Variants in NRXN3 observed in about 807,000 individuals in gnomAD.
NRXN3 encodes neurexin III.
A neutral mutation model predicts 137.6 loss-of-function variants in NRXN3; 32 were observed. The ratio of observed to expected loss-of-function variants is 0.23; its 90% CI spans 0.18 to 0.31. NRXN3 has a LOEUF of 0.31. NRXN3 is among the 10% of genes least tolerant of loss of function. NRXN3 has a pLI of 1.00. For synonymous variants in NRXN3, 798 were observed against 784.5 expected, an observed-to-expected ratio of 1.02 and a Z score of -0.29; for missense variants, 1,574 against 2,062.5, an observed-to-expected ratio of 0.76 and a Z score of 4.59.
At chr14:79,453,424 A>T (rs755799681) in intron 15 of NRXN3, among the ~76,000 whole-genome samples, 1 of 152,254 alleles carries the variant, frequency 6.6e-6, no homozygotes, top group Non-Finnish European at 1.5e-5. Context: ...TTACAACCAC[A>T]TGCAGACTAT....
At chr14:79,588,831 A>G (rs7157330) in intron 16 of NRXN3, among the ~76,000 whole-genome samples, 19,555 of 152,228 alleles carry the variant, frequency 0.13, 1,421 homozygotes, top group South Asian at 0.23. Flanking sequence ...TGTGGGGTAC[A>G]TGAGATGTTT....
chr14:79,783,355 C>T (rs140534134), intron 19 of NRXN3, among the ~76,000 whole-genome samples: 1 of 152,318 alleles, frequency 6.6e-6, no homozygotes, highest in African/African-American at 2.4e-5. Flanking sequence ...TGGGAAAATA[C>T]ATTTAAATGT....
intron 16 of NRXN3, among the ~76,000 whole-genome samples, chr14:79,645,640 G>C (rs1049680896): frequency 7.6e-6 from 1 of 132,086 alleles, no homozygotes; most frequent in African/African-American, 2.5e-5. Flanking sequence ...AGTTTTTTTC[G>C]TGTCGGTATT....
intron 15 of NRXN3, among the ~76,000 whole-genome samples, chr14:79,304,418 T>C (rs1324284748): frequency 6.6e-6 from 1 of 152,060 alleles, no homozygotes; most frequent in Non-Finnish European, 1.5e-5. Context: ...GTGACCTGTG[T>C]TAAAAAGGTA....
intron 15 of NRXN3, among the ~76,000 whole-genome samples, chr14:79,248,054 G>C (rs1259899165): frequency 3.3e-5 from 5 of 152,150 alleles, no homozygotes; most frequent in Non-Finnish European, 7.3e-5. Flanking sequence ...CAGCAGCCTT[G>C]AACTCCTGGG....
chr14:78,493,765 C>T (rs573036355), intron 4 of NRXN3, among the ~76,000 whole-genome samples: 1 of 152,078 alleles, frequency 6.6e-6, no homozygotes, highest in East Asian at 1.9e-4. Context: ...TTCAAAAGCC[C>T]CCAACCTCAG....
At chr14:79,583,916 G>A (rs2097742389) in intron 16 of NRXN3, among the ~76,000 whole-genome samples, 1 of 152,180 alleles carries the variant, frequency 6.6e-6, no homozygotes, top group South Asian at 2.1e-4. Flanking sequence ...ATAAAAGTGA[G>A]AAAGATTTTG....
chr14:79,320,202 G>A (rs183360991), intron 15 of NRXN3, among the ~76,000 whole-genome samples: 41 of 152,226 alleles, frequency 2.7e-4, no homozygotes, highest in African/African-American at 5.5e-4. Context: ...ATAAAAACAC[G>A]TCTATGAAAT....
At chr14:79,679,647 A>T (rs1473269505) in intron 17 of NRXN3, among the ~76,000 whole-genome samples, 1 of 152,126 alleles carries the variant, frequency 6.6e-6, no homozygotes, top group Non-Finnish European at 1.5e-5. Context: ...TGGAGTAAAA[A>T]GCTTAAAAAA....
chr14:79,075,748 C>T (rs1226635719), intron 15 of NRXN3, among the ~76,000 whole-genome samples: 1 of 152,134 alleles, frequency 6.6e-6, no homozygotes, highest in Non-Finnish European at 1.5e-5. Context: ...AGGACGAGGC[C>T]TGTAGCATTT....
intron 14 of NRXN3, among the ~76,000 whole-genome samples, chr14:78,978,880 C>T (rs1567882746): frequency 6.6e-6 from 1 of 151,576 alleles, no homozygotes; most frequent in South Asian, 2.1e-4. Context: ...GAGAATAAAA[C>T]AGTTGGATTC....
rs1186551786 is a variant in NRXN3, at chr14:78,709,354, C to T, written c.1359C>T (p.Thr453=). The T allele has an allele frequency of 6.2e-7, 1 of 1,614,058 alleles. No individual in the cohort carries two copies. The highest frequency in any genetic ancestry group is 8.5e-7 in the Non-Finnish European group (1 of 1,180,000). Residue 453 remains threonine, a synonymous_variant, in exon 7 of 21, where the codon ACC becomes ACT. Coordinates refer to ENST00000335750, the MANE Select transcript of NRXN3 (RefSeq NM_001330195.2). ...CACTGGACCCCATCAACTTTGAGAC[C>T]CCAGAGGCTTACATCAGCTTGCCCA... ...VATLDPINFE[T]PEAYISLPKW...
intron 4 of NRXN3, among the ~76,000 whole-genome samples, chr14:78,525,951 A>G (rs2096372240): frequency 6.6e-6 from 1 of 152,178 alleles, no homozygotes; most frequent in Admixed American, 6.5e-5. Context: ...AATTCACTAA[A>G]TTCACATTTC....
chr14:79,848,874 G>T (rs190215018), intron 20 of NRXN3, among the ~76,000 whole-genome samples: 17 of 152,176 alleles, frequency 1.1e-4, no homozygotes, highest in African/African-American at 3.9e-4. Flanking sequence ...AATCCATCTG[G>T]CTATTCAACC....
intron 19 of NRXN3, among the ~76,000 whole-genome samples, chr14:79,748,015 G>A (rs2098984896): frequency 6.6e-6 from 1 of 152,010 alleles, no homozygotes; most frequent in South Asian, 2.1e-4. Context: ...GTAGACATGG[G>A]GAGGGGAATA....
chr14:79,697,519 C>T (rs1032597356), intron 18 of NRXN3, 111 bp from the exon 19 acceptor site: 67 of 1,119,728 alleles, frequency 6.0e-5, no homozygotes, highest in Non-Finnish European at 7.9e-5. Context: ...TTTTTTCCTC[C>T]CCTTCAATTG....
At chr14:78,434,411 T>G (rs2093992873) in intron 4 of NRXN3, among the ~76,000 whole-genome samples, 1 of 152,174 alleles carries the variant, frequency 6.6e-6, no homozygotes, top group Admixed American at 6.5e-5. Flanking sequence ...CTAGTCATAT[T>G]GGATTTAGGC....
intron 15 of NRXN3, among the ~76,000 whole-genome samples, chr14:79,424,598 C>T (rs1340085709): frequency 6.6e-6 from 1 of 152,166 alleles, no homozygotes; most frequent in Non-Finnish European, 1.5e-5. Context: ...AAACTGTTAA[C>T]AGGAAAGCTG....
At chr14:78,917,386 G>A (rs1048099675) in intron 10 of NRXN3, among the ~76,000 whole-genome samples, 2 of 152,156 alleles carry the variant, frequency 1.3e-5, no homozygotes, top group Non-Finnish European at 2.9e-5. Flanking sequence ...GTGATTAACT[G>A]ATCTGTGCAA....
Sources: allele counts gnomAD v4.1 joint callset (sites outside exome capture counted in the v4.1 genomes callset), GRCh38; gene constraint gnomAD v4.1.1; transcripts MANE v1.5; gene names NCBI Gene and HGNC (gene_info 2026-07-23, HGNC 2026-07-21).